BRD7: variants seen among roughly 807,000 people sequenced by gnomAD.
The protein encoded by BRD7 is bromodomain containing 7.
In BRD7, 15 loss-of-function variants were observed where a neutral mutation model predicts 82.1. The observed-to-expected ratio is 0.18, with a 90% CI of 0.12 to 0.28. BRD7 has a LOEUF of 0.28. Among genes scored for constraint, BRD7 ranks in the 10% least tolerant of loss-of-function variants. The pLI, the probability that BRD7 is intolerant of heterozygous loss-of-function variation, is 1.00. For synonymous variants in BRD7, 232 were observed against 266.9 expected, an observed-to-expected ratio of 0.87 and a Z score of 1.27; for missense variants, 638 against 779.9, an observed-to-expected ratio of 0.82 and a Z score of 2.17.
At chr16:50,362,396 T>C (rs2038966325) in intron 2 of BRD7, among the ~76,000 whole-genome samples, 1 of 152,218 alleles carries the variant, frequency 6.6e-6, no homozygotes, top group East Asian at 1.9e-4. Flanking sequence ...GAGCCTCAAT[T>C]TTCTCATTAA....
chr16:50,349,517 G>C (rs771269711), intron 5 of BRD7: 2 of 468,372 alleles, frequency 4.3e-6, no homozygotes, highest in African/African-American at 4.0e-5. Context: ...GTTCCAGTAC[G>C]ATTGTAAGTT....
chr16:50,349,176 C>T (rs1425664155), intron 5 of BRD7: 1 of 171,814 alleles, frequency 5.8e-6, no homozygotes, highest in East Asian at 1.8e-4. Flanking sequence ...CGTTCTCCCT[C>T]ATAGGTGGGA....
chr16:50,368,621 C>A, intron 1 of BRD7, 105 bp downstream of exon 1: 1 of 1,233,956 alleles, frequency 8.1e-7, no homozygotes. Flanking sequence ...CCTGGGCCTG[C>A]CGTGGGAAGG....
chr16:50,359,201 A>G (rs922696139), intron 2 of BRD7, among the ~76,000 whole-genome samples: 1 of 152,264 alleles, frequency 6.6e-6, no homozygotes, highest in East Asian at 1.9e-4. Context: ...GTAGTTAAGG[A>G]AGAAGAGTTT....
At chr16:50,336,942 A>C (rs2037826433) in intron 6 of BRD7, among the ~76,000 whole-genome samples, 1 of 152,232 alleles carries the variant, frequency 6.6e-6, no homozygotes. Flanking sequence ...AATGGCTAAC[A>C]GGGCTGGTTC....
chr16:50,366,567 T>C (rs543748595), intron 2 of BRD7, among the ~76,000 whole-genome samples: 1 of 152,388 alleles, frequency 6.6e-6, no homozygotes, highest in Non-Finnish European at 1.5e-5. Context: ...ATAATTGTGA[T>C]GTACCTATAC....
At chr16:50,351,091 C>G (rs184890627) in intron 4 of BRD7, among the ~76,000 whole-genome samples, 1 of 152,196 alleles carries the variant, frequency 6.6e-6, no homozygotes, top group Admixed American at 6.5e-5. Flanking sequence ...CACAGAATAA[C>G]AGTAAAAATA....
intron 1 of BRD7, 183 bp from the exon 2 acceptor site, chr16:50,368,481 C>T: frequency 1.3e-6 from 1 of 769,408 alleles, no homozygotes; most frequent in Non-Finnish European, 2.0e-6. Context: ...GCCCCGAACG[C>T]TCCCAGGCCT....
At chr16:50,344,152 T>C (rs934392973) in intron 5 of BRD7, among the ~76,000 whole-genome samples, 2 of 151,796 alleles carry the variant, frequency 1.3e-5, no homozygotes, top group Admixed American at 6.6e-5. Flanking sequence ...AAACAGGGTC[T>C]GGAGTAGACC....
intron 2 of BRD7, among the ~76,000 whole-genome samples, chr16:50,356,699 CTTCT>C (rs2038745495): frequency 7.3e-6 from 1 of 136,928 alleles, no homozygotes; most frequent in African/African-American, 2.7e-5. Flanking sequence ...TGTCTGCCCT[CTTCT>C]TTCCTTAGGG....
At chr16:50,323,824 A>G (rs1172010270) in intron 11 of BRD7, 126 bp from the exon 12 acceptor site, 1 of 644,494 alleles carries the variant, frequency 1.6e-6, no homozygotes, top group Admixed American at 2.6e-5. Context: ...CTGCCTAGAC[A>G]CAACATGGTA....
intron 11 of BRD7, among the ~76,000 whole-genome samples, chr16:50,324,927 C>T (rs34176129): frequency 0.016 from 2,480 of 152,324 alleles, 37 homozygotes; most frequent in Non-Finnish European, 0.023. Flanking sequence ...CCACAGTCAA[C>T]TTCGGACTTA....
intron 6 of BRD7, 122 bp from the exon 7 acceptor site, chr16:50,335,017 T>A (rs2037740262): frequency 1.1e-6 from 1 of 941,822 alleles, no homozygotes; most frequent in African/African-American, 1.7e-5. Flanking sequence ...AACAATTAAA[T>A]GTAATCATAT....
At position 50,368,004 on chromosome 16, in the gene BRD7, C is replaced by T. The variant is rs368298842; in HGVS notation, c.258+86G>A. ...GCCAGATCTTAGAGGCGTTTGTTTTCCCCAGATACAAAGAAAATAAAATGA... is the reference window on the plus strand; with the variant it reads ...GCCAGATCTTAGAGGCGTTTGTTTTTCCCAGATACAAAGAAAATAAAATGA... On this transcript the variant is annotated intron_variant, in intron 2 of 16. Transcript: ENST00000394688. The T allele has an allele frequency of 1.3e-4, 150 of 1,199,118 alleles. 1 individual carries two copies. The East Asian group carries it at 1.8e-3, about 14-fold the overall frequency. 74.3% of individuals were successfully genotyped at this position (1,199,118 alleles called of 1,614,324 possible).
chr16:50,319,355 A>T, intron 16 of BRD7, 89 bp from the exon 17 acceptor site: 1 of 1,271,872 alleles, frequency 7.9e-7, no homozygotes, highest in Non-Finnish European at 1.1e-6. Flanking sequence ...ATCCAGAAGC[A>T]TAACTGCTGA....
At chr16:50,350,758 A>G (rs1322229866) in intron 4 of BRD7, among the ~76,000 whole-genome samples, 1 of 152,178 alleles carries the variant, frequency 6.6e-6, no homozygotes, top group Non-Finnish European at 1.5e-5. Context: ...CAGAAACTCA[A>G]ATTTGAAAAC....
intron 2 of BRD7, among the ~76,000 whole-genome samples, chr16:50,363,231 C>A (rs1326477601): frequency 1.3e-5 from 2 of 152,124 alleles, no homozygotes; most frequent in Middle Eastern, 6.3e-3. Flanking sequence ...ACTTAACTAT[C>A]CTCTTGTGTA....
chr16:50,361,157 T>C (rs1417313685), intron 2 of BRD7, among the ~76,000 whole-genome samples: 1 of 152,192 alleles, frequency 6.6e-6, no homozygotes, highest in African/African-American at 2.4e-5. Flanking sequence ...ACAAAGAATT[T>C]AGAATAGTGT....
chr16:50,359,445 T>C (rs1012320701), intron 2 of BRD7, among the ~76,000 whole-genome samples: 1 of 152,230 alleles, frequency 6.6e-6, no homozygotes, highest in African/African-American at 2.4e-5. Flanking sequence ...TAGCACATGA[T>C]GGACACTCAT....
Sources: gnomAD v4.1 joint callset for allele counts (sites outside exome capture counted in the v4.1 genomes callset) on GRCh38, gnomAD v4.1.1 for gene constraint, MANE v1.5 for transcripts, NCBI Gene and HGNC (gene_info 2026-07-23, HGNC 2026-07-21) for gene names.